The following DPP4 variants were observed in gnomAD, a reference collection of about 807,000 sequenced individuals.
DPP4 encodes the protein ADCP-2.
DPP4 carries 93 observed loss-of-function variants against 122.4 expected under a neutral mutation model. That is an observed-to-expected ratio of 0.76 (90% CI 0.64 to 0.90). The LOEUF is 0.90. Ranked by LOEUF, DPP4 falls within the 40% of genes least tolerant of loss-of-function variation. The pLI is 0.00. For missense variants in DPP4, 914 were observed against 907.3 expected, an observed-to-expected ratio of 1.01 and a Z score of -0.09; for synonymous variants, 321 against 302.9, an observed-to-expected ratio of 1.06 and a Z score of -0.62.
chr2:162,018,990 A>G, intron 15 of DPP4, 140 bp from the exon 16 acceptor site: 1 of 1,097,096 alleles, frequency 9.1e-7, no homozygotes, highest in Non-Finnish European at 1.3e-6. Flanking sequence ...AGCATGAAAT[A>G]AATACATGAA....
At chr2:162,030,449 G>A (rs910616438) in intron 10 of DPP4, among the ~76,000 whole-genome samples, 3 of 152,182 alleles carry the variant, frequency 2.0e-5, no homozygotes, top group African/African-American at 7.2e-5. Flanking sequence ...GAAGGGATAT[G>A]GCCTAACAGG....
At position 162,018,744 on chromosome 2, in the gene DPP4, G is replaced by GATA. The variant is rs764592835; in HGVS notation, c.1402_1404dup (p.Tyr468dup). The GATA allele has an allele frequency of 4.0e-5, 64 of 1,613,926 alleles. No homozygotes were observed. Among genetic ancestry groups the GATA allele is most frequent in the Non-Finnish European group, 5.3e-5 (63 of 1,180,020 alleles). ...TCAGACTTACCGGAACATCTCAGCT[G>GATA]ATAATACTTCGCCTCTTTACTGAAT... On this transcript the variant is annotated inframe_insertion, in exon 16 of 26. Coordinates refer to ENST00000360534, the MANE Select transcript of DPP4 (RefSeq NM_001935.4).
rs537007763 is a variant in DPP4 at position 162,064,877 on chromosome 2, A to G, written c.94+8522T>C. On this transcript the variant is annotated intron_variant, in intron 2 of 25. Coordinates refer to ENST00000360534, the MANE Select transcript of DPP4 (RefSeq NM_001935.4). ...GAAAGTGAGGAGAAGGAAAGGAGAG[A>G]ATTACAGCTCCAGATTTTTGGAGAT... is the stretch of plus-strand genomic sequence containing the variant. 3.3e-4 allele frequency among the ~76,000 whole-genome samples: 50 copies of G among 152,338 alleles called. 1 individual carries two copies. The highest frequency in any genetic ancestry group is 1.1e-3 in the African/African-American group (46 of 41,568).
At chr2:162,045,751 C>T in intron 4 of DPP4, 139 bp from the exon 5 acceptor site, 2 of 617,966 alleles carry the variant, frequency 3.2e-6, no homozygotes, top group South Asian at 4.2e-5. Flanking sequence ...GTGGCATATT[C>T]ACCCACACAA....
chr2:162,041,311 T>A (rs539720531), intron 5 of DPP4, among the ~76,000 whole-genome samples: 127 of 152,266 alleles, frequency 8.3e-4, no homozygotes, highest in South Asian at 3.1e-3. Context: ...AGAAATTGTA[T>A]CTTATTTATC....
At position 161,993,515 on chromosome 2, in the gene DPP4, T is replaced by A. The variant is rs1700917040; in HGVS notation, c.2200-131A>T. The A allele has an allele frequency of 1.6e-5, 10 of 623,966 alleles. No homozygotes were observed. In the South Asian group the frequency reaches 1.7e-4, roughly 11 times the overall value. The allele number at this position is 623,966 out of a possible 1,614,324, so 38.7% of individuals were successfully genotyped here. On this transcript the variant is annotated intron_variant, in intron 25 of 25. Coordinates refer to ENST00000360534, the MANE Select transcript of DPP4 (RefSeq NM_001935.4). ...CAGAGTGTTTTAATTCCTGAGGCAG[T>A]TTATAAACTGAAACGGGGTCAAAGA...
chr2:162,063,563 G>A (rs1301119886), intron 2 of DPP4, among the ~76,000 whole-genome samples: 2 of 151,938 alleles, frequency 1.3e-5, no homozygotes, highest in African/African-American at 4.8e-5. Flanking sequence ...TGAGAGCCCC[G>A]AGGGGAGGTG....
At chr2:162,052,027 G>T (rs961783374) in intron 2 of DPP4, among the ~76,000 whole-genome samples, 1 of 152,018 alleles carries the variant, frequency 6.6e-6, no homozygotes, top group Non-Finnish European at 1.5e-5. Context: ...TTCATAAAAG[G>T]GCTGGAGGGA....
At chr2:161,997,971 T>C (rs1701048360) in intron 23 of DPP4, among the ~76,000 whole-genome samples, 2 of 152,138 alleles carry the variant, frequency 1.3e-5, no homozygotes, top group Non-Finnish European at 2.9e-5. Flanking sequence ...AAAGAAACAG[T>C]GTGAAATAAA....
At chr2:162,007,715 T>C (rs1396181056) in intron 22 of DPP4, among the ~76,000 whole-genome samples, 2 of 152,084 alleles carry the variant, frequency 1.3e-5, no homozygotes, top group Non-Finnish European at 2.9e-5. Context: ...TGAAAACAAA[T>C]TCATTGTGTG....
intron 3 of DPP4, 33 bp from the exon 4 acceptor site, chr2:162,047,039 A>C: frequency 8.1e-7 from 1 of 1,236,374 alleles, no homozygotes; most frequent in African/African-American, 1.5e-5. Flanking sequence ...TCAAAATTTC[A>C]AGTTGTTATT....
intron 2 of DPP4, among the ~76,000 whole-genome samples, chr2:162,050,846 A>G (rs1684358373): frequency 6.6e-6 from 1 of 152,242 alleles, no homozygotes; most frequent in Non-Finnish European, 1.5e-5. Context: ...CTTATGAGAC[A>G]TGCTCATGAT....
chr2:162,001,318 C>A (rs913441088), intron 23 of DPP4, among the ~76,000 whole-genome samples: 2 of 152,200 alleles, frequency 1.3e-5, no homozygotes, highest in South Asian at 2.1e-4. Context: ...TGAAACTAGA[C>A]CCCCTCTGGC....
chr2:162,053,162 A>G (rs1684442546), intron 2 of DPP4, among the ~76,000 whole-genome samples: 1 of 152,248 alleles, frequency 6.6e-6, no homozygotes, highest in African/African-American at 2.4e-5. Context: ...GCAAGTTCAG[A>G]GAGAAAACCC....
At chr2:162,055,770 C>G (rs1430322372) in intron 2 of DPP4, among the ~76,000 whole-genome samples, 1 of 152,118 alleles carries the variant, frequency 6.6e-6, no homozygotes, top group Non-Finnish European at 1.5e-5. Flanking sequence ...TGCCAGGTGA[C>G]CAAACTTTGG....
Position 162,074,215 on chromosome 2 carries a change from T to A in DPP4, c.-234A>T. The A allele has an allele frequency of 1.6e-6, 2 of 1,215,498 alleles. No individual in the cohort carries two copies. The highest frequency in any genetic ancestry group is 2.0e-6 in the Non-Finnish European group (2 of 978,272). The allele number at this position is 1,215,498 out of a possible 1,614,324, so 75.3% of individuals were successfully genotyped here. A position where few individuals can be genotyped will look rare whatever the true frequency, so the allele number is the denominator to read the frequency against. ...AGCAGGCGCGCGTGGCGCGGGGCAC[T>A]GGCATCCCGGCCGGGGGGAGCCCGC... On this transcript the variant is annotated 5_prime_UTR_variant, in exon 1 of 26. Coordinates refer to ENST00000360534, the MANE Select transcript of DPP4 (RefSeq NM_001935.4).
intron 12 of DPP4, among the ~76,000 whole-genome samples, chr2:162,021,837 A>G (rs1683140433): frequency 6.6e-6 from 1 of 152,162 alleles, no homozygotes; most frequent in Admixed American, 6.5e-5. Context: ...GTCTCTTGCC[A>G]TGGAGGAAAC....
chr2:162,005,966 A>G (rs553297158), intron 22 of DPP4, among the ~76,000 whole-genome samples, 157 bp from the exon 23 acceptor site: 2 of 152,232 alleles, frequency 1.3e-5, no homozygotes, highest in African/African-American at 2.4e-5. Flanking sequence ...GAAGAAGGAA[A>G]AGGGTGGCTA....
chr2:161,997,547 T>C (rs1701037504), intron 23 of DPP4, among the ~76,000 whole-genome samples: 1 of 152,246 alleles, frequency 6.6e-6, no homozygotes, highest in Non-Finnish European at 1.5e-5. Flanking sequence ...GTACTAGTTT[T>C]GCAGAATCAA....
Sources: allele counts gnomAD v4.1 joint callset (sites outside exome capture counted in the v4.1 genomes callset), GRCh38; gene constraint gnomAD v4.1.1; transcripts MANE v1.5; gene names NCBI Gene and HGNC (gene_info 2026-07-23, HGNC 2026-07-21).